MED12L: variants seen among roughly 807,000 people sequenced by gnomAD.
The protein encoded by MED12L is mediator complex subunit 12L.
A neutral mutation model predicts 281.3 loss-of-function variants in MED12L; 60 were observed. That is an observed-to-expected ratio of 0.21 (90% CI 0.17 to 0.26). The LOEUF (loss-of-function observed/expected upper bound fraction) is 0.26, where lower values mean the gene tolerates loss of function less well. Ranked by LOEUF, MED12L falls within the 10% of genes least tolerant of loss-of-function variation. MED12L has a pLI of 1.00. For missense variants in MED12L, 2,146 were observed against 2,680.9 expected, an observed-to-expected ratio of 0.80 and a Z score of 4.41; for synonymous variants, 974 against 987.2, an observed-to-expected ratio of 0.99 and a Z score of 0.25.
chr3:151,284,854 C>T (rs1200955162), intron 16 of MED12L, among the ~76,000 whole-genome samples: 1 of 152,144 alleles, frequency 6.6e-6, no homozygotes, highest in African/African-American at 2.4e-5. Flanking sequence ...GTGATCCACC[C>T]ACCTTGGCCT....
intron 36 of MED12L, among the ~76,000 whole-genome samples, 195 bp downstream of exon 36, chr3:151,385,386 A>C (rs1338287042): frequency 2.0e-5 from 3 of 152,158 alleles, no homozygotes; most frequent in African/African-American, 7.2e-5. Context: ...TCTACGTTTT[A>C]TATGTTTAAA....
rs1483191856 is a variant in MED12L at position 151,416,311 on chromosome 3, G to T, written c.6298-1G>T. The T allele has an allele frequency of 5.0e-6, 8 of 1,613,156 alleles. No individual in the cohort carries two copies. The highest frequency in any genetic ancestry group is 6.8e-6 in the Non-Finnish European group (8 of 1,179,974). The stretch of plus-strand genomic sequence containing the variant: ...GTATAACATTTTTACCCTCTTTCCA[G>T]ATGCAGCAGCCCCAGCAGCCCCAGC... On this transcript the variant is annotated splice_acceptor_variant, in intron 42 of 44. Transcript: ENST00000687756. LOFTEE classifies it high-confidence loss of function.
At chr3:151,195,538 T>G (rs762717108) in intron 16 of MED12L, among the ~76,000 whole-genome samples, 1 of 152,218 alleles carries the variant, frequency 6.6e-6, no homozygotes, top group Non-Finnish European at 1.5e-5. Flanking sequence ...GCTTTTCTAC[T>G]GTTACCTATA....
At chr3:151,143,346 A>G (rs1247089917) in intron 5 of MED12L, among the ~76,000 whole-genome samples, 34 of 152,246 alleles carry the variant, frequency 2.2e-4, no homozygotes, top group Non-Finnish European at 5.9e-5. Flanking sequence ...GCACAATGCC[A>G]CTTTAACTAT....
chr3:151,421,374 A>G lies in MED12L; in HGVS notation c.6408+4952A>G, dbSNP rs570616801. On this transcript the variant is annotated intron_variant, in intron 43 of 44. Transcript: ENST00000687756. ...TTTCTTTGTCACTAGTTTTCCAATC[A>G]TGCTTCTTCCTGTGCTTTACTGTGT... 1.8e-3 allele frequency among the ~76,000 whole-genome samples: 265 copies of G among 150,530 alleles called. 2 individuals carry two copies. Among genetic ancestry groups the G allele is most frequent in the African/African-American group, 6.2e-3 (255 of 40,922 alleles).
At chr3:151,379,184 A>C (rs1012552486) in intron 31 of MED12L, among the ~76,000 whole-genome samples, 2 of 152,246 alleles carry the variant, frequency 1.3e-5, no homozygotes, top group Non-Finnish European at 2.9e-5. Context: ...ACAAGGAAGC[A>C]TAATTCTAAT....
At chr3:151,193,156 T>C (rs1191029853) in intron 15 of MED12L, among the ~76,000 whole-genome samples, 2 of 152,212 alleles carry the variant, frequency 1.3e-5, no homozygotes, top group Non-Finnish European at 2.9e-5. Context: ...TTTATTATTA[T>C]GTATATGTTT....
intron 16 of MED12L, chr3:151,328,721 C>G: frequency 6.2e-7 from 1 of 1,614,000 alleles, no homozygotes; most frequent in Non-Finnish European, 8.5e-7. Context: ...CACAAAAGCT[C>G]TGAGCTGCCA....
Position 151,193,482 on chromosome 3 carries a change from T to C in MED12L, c.2074-8T>C, listed in dbSNP as rs1724248285. On this transcript the variant is annotated splice_region_variant and splice_polypyrimidine_tract_variant and intron_variant, in intron 15 of 44. Coordinates refer to ENST00000687756, the MANE Select transcript of MED12L (RefSeq NM_001393769.1). Reference sequence around the variant, plus strand: ...TACAATCTCCAACATTTGTTTTACATGACTTAGATTTTTTCTCCTATGCCT... The same window carrying C: ...TACAATCTCCAACATTTGTTTTACACGACTTAGATTTTTTCTCCTATGCCT... 6.2e-7 allele frequency: 1 copy of C among 1,607,984 alleles called. No homozygotes were observed. Among genetic ancestry groups the C allele is most frequent in the South Asian group, 1.1e-5 (1 of 90,584 alleles).
rs139519088 is a variant in MED12L, at chr3:151,268,594, G to A, written c.2250+74928G>A. On this transcript the variant is annotated intron_variant, in intron 16 of 44. Transcript: ENST00000687756. ...TTTTGCCTAATTTGTTTCAAATTTT[G>A]TCTAATTTGTGAGTTCATTCCCATT... 1.5e-4 allele frequency among the ~76,000 whole-genome samples: 23 copies of A among 152,216 alleles called. No individual in the cohort carries two copies. The East Asian group carries it at 4.4e-3, about 29-fold the overall frequency.
chr3:151,102,429 G>A (rs933920411), intron 2 of MED12L, among the ~76,000 whole-genome samples: 6 of 152,078 alleles, frequency 3.9e-5, no homozygotes, highest in South Asian at 2.1e-4. Context: ...CGTTTAGCCC[G>A]TTTCTGAATA....
At chr3:151,134,227 C>A (rs112986239) in intron 5 of MED12L, among the ~76,000 whole-genome samples, 4 of 149,106 alleles carry the variant, frequency 2.7e-5, no homozygotes, top group African/African-American at 9.8e-5. Context: ...AATGGTCAGT[C>A]CCTCACCAGG....
At chr3:151,199,175 A>G (rs748712688) in intron 16 of MED12L, 19 of 1,614,104 alleles carry the variant, frequency 1.2e-5, no homozygotes, top group East Asian at 2.2e-5. Flanking sequence ...GTCAACAACA[A>G]TTTTCACTGG....
At chr3:151,336,097 T>C (rs1313435686) in intron 16 of MED12L, among the ~76,000 whole-genome samples, 1 of 152,194 alleles carries the variant, frequency 6.6e-6, no homozygotes, top group African/African-American at 2.4e-5. Flanking sequence ...ATTTTTGTTA[T>C]ATGCAAAAGA....
In MED12L at chr3:151,378,841, A is replaced by G. The variant is rs138749615; in HGVS notation, c.4478+668A>G. On this transcript the variant is annotated intron_variant, in intron 31 of 44. Coordinates refer to ENST00000687756, the MANE Select transcript of MED12L (RefSeq NM_001393769.1). ...GATTTCTTGTCCACTAATGAATAAT[A>G]CTATAGTAGCCACCATTTATTGACT... Among the ~76,000 whole-genome samples the G allele has an allele frequency of 2.3e-3, 348 of 152,364 alleles. 3 individuals are homozygous for G. Among genetic ancestry groups the G allele is most frequent in the African/African-American group, 8.1e-3 (335 of 41,582 alleles).
At chr3:151,261,551 G>A (rs981384539) in intron 16 of MED12L, 1 of 152,168 alleles carries the variant, frequency 6.6e-6, no homozygotes, top group African/African-American at 2.4e-5. Flanking sequence ...CCTTAAGCTG[G>A]TGGTTCTCAA....
At chr3:151,266,453 C>CG (rs1434159114) in intron 16 of MED12L, among the ~76,000 whole-genome samples, 1 of 152,158 alleles carries the variant, frequency 6.6e-6, no homozygotes. Flanking sequence ...ACACAGGTTG[C>CG]CTAGACTCTA....
intron 16 of MED12L, among the ~76,000 whole-genome samples, chr3:151,334,184 C>CTT (rs1750672562): frequency 2.8e-5 from 1 of 35,534 alleles, no homozygotes; most frequent in East Asian, 8.9e-4. Context: ...TGTGTTTTTT[C>CTT]TTTCTTTCTT....
chr3:151,164,683 G>A (rs1374932232), intron 9 of MED12L, among the ~76,000 whole-genome samples: 1 of 152,128 alleles, frequency 6.6e-6, no homozygotes, highest in Non-Finnish European at 1.5e-5. Context: ...AAAATGATGA[G>A]TTCATGTCCT....
Sources: gnomAD v4.1 joint callset for allele counts (sites outside exome capture counted in the v4.1 genomes callset) on GRCh38, gnomAD v4.1.1 for gene constraint, MANE v1.5 for transcripts, NCBI Gene and HGNC (gene_info 2026-07-23, HGNC 2026-07-21) for gene names.